CD72: variants seen among roughly 807,000 people sequenced by gnomAD.
The protein encoded by CD72 is CD72 molecule, also known as B-cell differentiation antigen CD72.
Under a neutral mutation model 50.7 loss-of-function variants are expected in CD72, and 28 were observed. The ratio of observed to expected loss-of-function variants is 0.55; its 90% CI spans 0.41 to 0.76. CD72 has a LOEUF of 0.76. CD72 is among the 30% of genes least tolerant of loss of function. The pLI is 0.00. For missense variants in CD72, 403 were observed against 420.6 expected (o/e 0.96, Z 0.37); for synonymous variants, 176 against 171.2 (o/e 1.03, Z -0.22).
chr9:35,633,874 G>C (rs1031295408), intron 1 of CD72, among the ~76,000 whole-genome samples: 1 of 152,198 alleles, frequency 6.6e-6, no homozygotes, highest in South Asian at 2.1e-4. Context: ...CCATTGTTAA[G>C]TCGGGGATTG....
intron 3 of CD72, chr9:35,616,959 G>T: frequency 1.4e-6 from 2 of 1,420,110 alleles, no homozygotes; most frequent in Non-Finnish European, 1.8e-6. Context: ...GGGGAAGGGG[G>T]GCAGGTAGGT....
intron 7 of CD72, 27 bp from the exon 8 acceptor site, chr9:35,610,780 A>T: frequency 6.3e-7 from 1 of 1,592,616 alleles, no homozygotes; most frequent in Non-Finnish European, 8.6e-7. Flanking sequence ...TAGAGCTGGG[A>T]TATGCTCTGG....
chr9:35,611,782 C>T (rs1273870736), intron 7 of CD72, 22 bp downstream of exon 7: 2 of 1,287,556 alleles, frequency 1.6e-6, no homozygotes, highest in Admixed American at 1.7e-5. Context: ...TTGAAAATAC[C>T]CAGAAGTCCT....
intron 1 of CD72, chr9:35,643,182 C>T (rs553790805): frequency 2.6e-5 from 4 of 152,366 alleles, no homozygotes; most frequent in South Asian, 4.1e-4. Flanking sequence ...CCTCCTAGGC[C>T]GTGCCCTGTC....
upstream of CD72, among the ~76,000 whole-genome samples, chr9:35,623,737 C>T (rs1211325808): frequency 2.6e-5 from 4 of 151,848 alleles, no homozygotes; most frequent in African/African-American, 7.3e-5. Flanking sequence ...GCCAACATGG[C>T]GAAACCCCGT....
At chr9:35,625,937 G>A (rs1823193962) in intron 1 of CD72, among the ~76,000 whole-genome samples, 1 of 152,058 alleles carries the variant, frequency 6.6e-6, no homozygotes, top group African/African-American at 2.4e-5. Context: ...ACTGCTCATT[G>A]GCAATGTGCC....
chr9:35,616,656 C>T lies in CD72; in HGVS notation c.296G>A (p.Gly99Asp). The T allele has an allele frequency of 6.2e-7, 1 of 1,613,924 alleles. No individual in the cohort carries two copies. Among genetic ancestry groups the T allele is most frequent in the Non-Finnish European group, 8.5e-7 (1 of 1,179,986 alleles). Residue 99 changes from glycine to aspartate, a missense_variant, in exon 4 of 9, where the codon GGC becomes GAC. Gly to Asp is a moderately conservative substitution (Grantham distance 94). Coordinates refer to ENST00000259633, the MANE Select transcript of CD72 (RefSeq NM_001782.3). ...RTTCLRYLLLGLLLTCLLLGV... is the reference protein window; with the variant it reads ...RTTCLRYLLLDLLLTCLLLGV... The stretch of plus-strand genomic sequence containing the variant: ...TAACAGCAGGCAGGTGAGGAGCAGG[C>T]CGAGCAGGAGGTATCGCAGGCAGGT...
At chr9:35,613,534 A>C (rs1823019937) in intron 5 of CD72, among the ~76,000 whole-genome samples, 1 of 151,932 alleles carries the variant, frequency 6.6e-6, no homozygotes, top group Non-Finnish European at 1.5e-5. Context: ...CCTACATCCC[A>C]ATGTGCACTT....
upstream of CD72, chr9:35,619,674 G>A (rs1823125793): frequency 6.6e-6 from 1 of 152,264 alleles, no homozygotes; most frequent in African/African-American, 2.4e-5. Context: ...GTGCATGTGT[G>A]TGCATGGATA....
chr9:35,635,344 A>C (rs1823280330), intron 1 of CD72, among the ~76,000 whole-genome samples: 1 of 152,148 alleles, frequency 6.6e-6, no homozygotes. Flanking sequence ...AGTCTACTCT[A>C]TCTGTTCCAG....
intron 7 of CD72, 39 bp from the exon 8 acceptor site, chr9:35,610,792 C>T (rs200101043): frequency 6.4e-6 from 10 of 1,558,588 alleles, no homozygotes; most frequent in Non-Finnish European, 7.9e-6. Flanking sequence ...ATGCTCTGGA[C>T]ATATCCCACC....
intron 1 of CD72, among the ~76,000 whole-genome samples, chr9:35,632,619 C>T (rs1823256583): frequency 6.6e-6 from 1 of 151,298 alleles, no homozygotes; most frequent in South Asian, 2.1e-4. Flanking sequence ...CTCTGTCGCC[C>T]AGGCTGGAGT....
rs1335099962 is a variant in CD72 at position 35,610,174 on chromosome 9, ACTGG to A, written c.*145_*148del. On this transcript the variant is annotated 3_prime_UTR_variant, in exon 9 of 9. Transcript: ENST00000259633. The stretch of plus-strand genomic sequence containing the variant: ...TTCAGGAAGAGGGAGCAGGCAGCAG[ACTGG>A]CTGGAAGTGTCAGGTGTGGGTCAGC... 5.0e-6 allele frequency: 1 copy of A among 198,406 alleles called. No individual in the cohort carries two copies. 12.3% of individuals were successfully genotyped at this position (198,406 alleles called of 1,614,324 possible).
chr9:35,633,635 A>C (rs1823265842), intron 1 of CD72, among the ~76,000 whole-genome samples: 1 of 152,192 alleles, frequency 6.6e-6, no homozygotes, highest in South Asian at 2.1e-4. Context: ...TTAAGATACA[A>C]AACCTTCCTA....
In CD72 at chr9:35,617,242, T is replaced by G; in HGVS notation, c.196A>C (p.Lys66Gln). The G allele has an allele frequency of 6.4e-7, 1 of 1,554,512 alleles. No homozygotes were observed. Among genetic ancestry groups the G allele is most frequent in the South Asian group, 1.2e-5 (1 of 84,092 alleles). The change falls in exon 3 of 9, where the codon AAG (lysine) becomes CAG (glutamine). Residue 66 changes from lysine (K) to glutamine (Q), a missense_variant. Coordinates refer to ENST00000259633, the MANE Select transcript of CD72 (RefSeq NM_001782.3). ...SSVLGDKAAV[K>Q]SEQPTASWRA... ...CAGGACGCAGTTGGCTGCTCCGACT[T>G]GACCGCTGTCGAGGGGAGCATCCAG...
intron 1 of CD72, among the ~76,000 whole-genome samples, chr9:35,625,470 T>C (rs1442713096): frequency 6.6e-6 from 1 of 152,208 alleles, no homozygotes; most frequent in Admixed American, 6.5e-5. Context: ...GCCAGCTCTA[T>C]AACATAAAAG....
Position 35,610,614 on chromosome 9 carries a change from A to C in CD72, c.*10T>G, listed in dbSNP as rs754385750. 9 of 1,613,132 alleles carry C rather than the reference A, an allele frequency of 5.6e-6. No homozygotes were observed. The Admixed American group carries it at 1.3e-4, about 24-fold the overall frequency. ...CCCTCACTCTTACCAACTCAGTGCA[A>C]AGGACTGTCCTAATCTGGAAACCTG... On this transcript the variant is annotated 3_prime_UTR_variant, in exon 8 of 9. Coordinates refer to ENST00000259633, the MANE Select transcript of CD72 (RefSeq NM_001782.3).
chr9:35,644,262 C>T (rs1417969419), intron 1 of CD72, among the ~76,000 whole-genome samples: 1 of 137,802 alleles, frequency 7.3e-6, no homozygotes, highest in Admixed American at 8.1e-5. Flanking sequence ...AGGAGAATCG[C>T]TTGAAACCAG....
chr9:35,627,576 A>C (rs906067947), intron 1 of CD72, among the ~76,000 whole-genome samples: 2 of 152,098 alleles, frequency 1.3e-5, no homozygotes, highest in Non-Finnish European at 2.9e-5. Context: ...TTCCATGCTC[A>C]GTGATATATT....
Sources: allele counts gnomAD v4.1 joint callset (sites outside exome capture counted in the v4.1 genomes callset), GRCh38; gene constraint gnomAD v4.1.1; transcripts MANE v1.5; gene names NCBI Gene and HGNC (gene_info 2026-07-23, HGNC 2026-07-21).